Variants in CSMD1 observed in about 807,000 individuals in gnomAD.
The protein encoded by CSMD1 is CUB and sushi domain-containing protein 1.
A neutral mutation model predicts 417.5 loss-of-function variants in CSMD1; 213 were observed. That is an observed-to-expected ratio of 0.51 (90% CI 0.46 to 0.57). The LOEUF is 0.57. CSMD1 is among the 20% of genes least tolerant of loss of function. The pLI, the probability that CSMD1 is intolerant of heterozygous loss-of-function variation, is 0.00. For missense variants in CSMD1, 6,923 were observed against 4,529.7 expected (o/e 1.53, Z -15.17); for synonymous variants, 2,862 against 1,736.8 (o/e 1.65, Z -16.11).
chr8:4,524,232 T>A (rs976263271), intron 2 of CSMD1, among the ~76,000 whole-genome samples: 5 of 148,686 alleles, frequency 3.4e-5, no homozygotes, highest in Admixed American at 6.8e-5. Flanking sequence ...TTGAAGTGTA[T>A]AAAGAATGAA....
intron 28 of CSMD1, among the ~76,000 whole-genome samples, chr8:3,221,927 G>T (rs1472261901): frequency 6.6e-6 from 1 of 151,932 alleles, no homozygotes. Context: ...ACCTGAATTT[G>T]CCATCATCCT....
chr8:3,387,046 G>C (rs888208943), intron 18 of CSMD1, among the ~76,000 whole-genome samples: 2 of 152,180 alleles, frequency 1.3e-5, no homozygotes, highest in Admixed American at 1.3e-4. Flanking sequence ...TCTGAGCTCA[G>C]AATGAGAACT....
intron 1 of CSMD1, among the ~76,000 whole-genome samples, chr8:4,770,156 T>G (rs1452049040): frequency 6.6e-6 from 1 of 150,856 alleles, no homozygotes; most frequent in African/African-American, 2.4e-5. Context: ...ACATACAGAT[T>G]CAATACATAT....
intron 68 of CSMD1, among the ~76,000 whole-genome samples, chr8:2,944,267 A>G (rs767433354): frequency 3.9e-5 from 6 of 152,156 alleles, no homozygotes; most frequent in Admixed American, 2.6e-4. Context: ...GACGCAAAAC[A>G]TTCTGAGATG....
At chr8:4,545,649 C>T (rs1052493350) in intron 2 of CSMD1, among the ~76,000 whole-genome samples, 1 of 152,146 alleles carries the variant, frequency 6.6e-6, no homozygotes, top group African/African-American at 2.4e-5. Context: ...GAGTAAGACA[C>T]CCTAGGAGTT....
At chr8:3,548,115 C>T (rs1407657949) in intron 10 of CSMD1, among the ~76,000 whole-genome samples, 1 of 152,052 alleles carries the variant, frequency 6.6e-6, no homozygotes, top group Admixed American at 6.5e-5. Context: ...CTCAGAAGAG[C>T]ACTGATAATT....
chr8:4,702,089 C>CTGGAACATAGGGA (rs1807595079), intron 1 of CSMD1, among the ~76,000 whole-genome samples: 2 of 152,234 alleles, frequency 1.3e-5, no homozygotes, highest in South Asian at 4.1e-4. Flanking sequence ...AAGGGAACAA[C>CTGGAACATAGGGA]ACATACTGGA....
chr8:4,980,587 C>G (rs1423168492), intron 1 of CSMD1, among the ~76,000 whole-genome samples: 1 of 152,172 alleles, frequency 6.6e-6, no homozygotes, highest in Non-Finnish European at 1.5e-5. Context: ...AATTTGTGAA[C>G]TGGAAGGTCA....
Position 3,052,579 on chromosome 8 carries a change from T to G in CSMD1, c.7543A>C (p.Ser2515Arg), listed in dbSNP as rs573086063. The change falls in exon 50 of 70, where the codon AGT becomes CGT. Residue 2515 changes from serine to arginine, a missense_variant. Ser to Arg is a moderately radical substitution (Grantham distance 110). Transcript: ENST00000635120. The part of the protein sequence containing the change: ...SFTGNEFTLD[S>R]KVVYECHEGF... ...TCATGACATTCATAGACCACTTTAC[T>G]GTCCAAAGTGAACTCGTTCCCGGTA... 1 of 1,611,604 alleles carries G rather than the reference T, an allele frequency of 6.2e-7. No homozygotes were observed. Among genetic ancestry groups the G allele is most frequent in the South Asian group, 1.1e-5 (1 of 90,292 alleles).
chr8:3,511,762 AAT>A (rs1797077994), intron 10 of CSMD1, among the ~76,000 whole-genome samples: 1 of 138,346 alleles, frequency 7.2e-6, no homozygotes, highest in Admixed American at 7.4e-5. Context: ...TCTCTAAAAA[AAT>A]AACATAACAT....
intron 3 of CSMD1, among the ~76,000 whole-genome samples, chr8:4,142,721 G>T (rs565621753): frequency 1.3e-5 from 2 of 151,090 alleles, no homozygotes; most frequent in Non-Finnish European, 1.5e-5. Context: ...CTAGAGGCCA[G>T]ACCTGACACA....
At chr8:4,203,901 G>A (rs948421571) in intron 3 of CSMD1, among the ~76,000 whole-genome samples, 3 of 152,052 alleles carry the variant, frequency 2.0e-5, no homozygotes, top group Admixed American at 6.6e-5. Context: ...AGGAGTTTGA[G>A]GCCAGCCTGG....
intron 5 of CSMD1, among the ~76,000 whole-genome samples, chr8:3,965,546 C>G (rs1812624445): frequency 6.6e-6 from 1 of 152,132 alleles, no homozygotes; most frequent in Non-Finnish European, 1.5e-5. Flanking sequence ...ACAACTAGGT[C>G]AGGAAAGAGA....
rs529166284 is a variant in CSMD1, at chr8:4,475,042, G to A, written c.303-54977C>T. On this transcript the variant is annotated intron_variant, in intron 2 of 69. Coordinates refer to ENST00000635120, the MANE Select transcript of CSMD1 (RefSeq NM_033225.6). Reference sequence around the variant, plus strand: ...GGATTTTTCAATGCATAAGGGGTCAGTGTCCTAACCTCTGTGTTATTCAAG... The same window carrying A: ...GGATTTTTCAATGCATAAGGGGTCAATGTCCTAACCTCTGTGTTATTCAAG... Among the ~76,000 whole-genome samples the A allele has an allele frequency of 2.7e-4, 41 of 152,268 alleles. No individual in the cohort carries two copies. In the South Asian group the frequency reaches 5.8e-3, roughly 22 times the overall value.
At chr8:3,845,984 G>A (rs1215791182) in intron 5 of CSMD1, among the ~76,000 whole-genome samples, 1 of 151,998 alleles carries the variant, frequency 6.6e-6, no homozygotes, top group Non-Finnish European at 1.5e-5. Flanking sequence ...TACCCATGGA[G>A]CCGTCACCTC....
intron 11 of CSMD1, among the ~76,000 whole-genome samples, chr8:3,470,032 C>T (rs1233811757): frequency 1.3e-5 from 2 of 152,050 alleles, no homozygotes; most frequent in South Asian, 2.1e-4. Context: ...TCGTGAATGT[C>T]TAACTCTATG....
intron 3 of CSMD1, among the ~76,000 whole-genome samples, chr8:4,408,470 C>T (rs1796465136): frequency 6.6e-6 from 1 of 152,186 alleles, no homozygotes; most frequent in Non-Finnish European, 1.5e-5. Flanking sequence ...GAATTATTGA[C>T]TGTTTTTAAT....
intron 1 of CSMD1, among the ~76,000 whole-genome samples, chr8:4,895,133 T>A (rs1422641667): frequency 6.6e-6 from 1 of 152,190 alleles, no homozygotes; most frequent in Non-Finnish European, 1.5e-5. Context: ...CAAAAATACA[T>A]TTGATTTACA....
chr8:3,783,280 T>C (rs1799277304), intron 5 of CSMD1, among the ~76,000 whole-genome samples: 1 of 152,210 alleles, frequency 6.6e-6, no homozygotes, highest in Non-Finnish European at 1.5e-5. Context: ...TTTGCAAAAC[T>C]CACCATTAGA....
Sources: allele counts gnomAD v4.1 joint callset (sites outside exome capture counted in the v4.1 genomes callset), GRCh38; gene constraint gnomAD v4.1.1; transcripts MANE v1.5; gene names NCBI Gene and HGNC (gene_info 2026-07-23, HGNC 2026-07-21).